The following NTNG2 variants were observed in gnomAD, a reference collection of about 807,000 sequenced individuals.
NTNG2 encodes the protein netrin G2.
NTNG2 carries 15 observed loss-of-function variants against 47.6 expected under a neutral mutation model. That is an observed-to-expected ratio of 0.32 (90% CI 0.21 to 0.49). The LOEUF is 0.49. NTNG2 is among the 20% of genes least tolerant of loss of function. NTNG2 has a pLI of 0.99. For missense variants in NTNG2, 578 were observed against 764.6 expected (o/e 0.76, Z 2.88); for synonymous variants, 307 against 324.6 (o/e 0.95, Z 0.58).
At chr9:132,198,881 T>C (rs1178472654) in intron 3 of NTNG2, among the ~76,000 whole-genome samples, 1 of 152,088 alleles carries the variant, frequency 6.6e-6, no homozygotes, top group African/African-American at 2.4e-5. Context: ...ACCTGGTACC[T>C]GGGACATGAC....
At chr9:132,204,525 T>A (rs549878423) in intron 3 of NTNG2, among the ~76,000 whole-genome samples, 4 of 152,152 alleles carry the variant, frequency 2.6e-5, no homozygotes, top group Admixed American at 1.3e-4. Flanking sequence ...CCTCCCTGCA[T>A]CTCTTTCTCA....
chr9:132,174,187 A>C (rs1836210166), intron 2 of NTNG2, among the ~76,000 whole-genome samples: 1 of 132,906 alleles, frequency 7.5e-6, no homozygotes, highest in Admixed American at 7.6e-5. Context: ...GGCAGGTCGA[A>C]CCATGCTGCA....
chr9:132,200,898 CCT>C lies in NTNG2; in HGVS notation c.857+2292_857+2293del, dbSNP rs1838697562. On this transcript the variant is annotated intron_variant, in intron 3 of 7. Transcript: ENST00000393229. ...TTTCAGCCCCTGGGCATCTCCGTGA[CCT>C]CTGCCCTCGGGATGCAATTGTCTGG... Among the ~76,000 whole-genome samples the C allele has an allele frequency of 2.6e-5, 4 of 152,372 alleles. No individual in the cohort carries two copies. The South Asian group carries it at 8.3e-4, about 32-fold the overall frequency.
chr9:132,227,258 C>T (rs1462588857), intron 4 of NTNG2, among the ~76,000 whole-genome samples: 1 of 152,232 alleles, frequency 6.6e-6, no homozygotes, highest in African/African-American at 2.4e-5. Flanking sequence ...TGCACCCCCA[C>T]ACACACACCT....
rs538313445 is a variant in NTNG2 at position 132,168,016 on chromosome 9, G to T, written c.213+972G>T. 5.9e-5 allele frequency among the ~76,000 whole-genome samples: 9 copies of T among 152,344 alleles called. No homozygotes were observed. The South Asian group carries it at 1.2e-3, about 21-fold the overall frequency. ...GTGAGGAGTTTGTGGTTTAATTAAC[G>T]TAGGTAAAGTGTTCGGAATAGGACC... On this transcript the variant is annotated intron_variant, in intron 2 of 7. Transcript: ENST00000393229.
At chr9:132,194,839 G>C (rs1838162777) in intron 2 of NTNG2, among the ~76,000 whole-genome samples, 1 of 152,248 alleles carries the variant, frequency 6.6e-6, no homozygotes, top group Non-Finnish European at 1.5e-5. Flanking sequence ...CTTCACCCTA[G>C]AGGATAGAAG....
chr9:132,238,972 C>T (rs757518337), intron 5 of NTNG2, 132 bp from the exon 6 acceptor site: 2 of 916,540 alleles, frequency 2.2e-6, no homozygotes, highest in African/African-American at 3.3e-5. Flanking sequence ...GCCTAGGGCA[C>T]CTTCCGGTAC....
chr9:132,162,555 T>TGTGTGTGTGTGTGTGTGTGTGAGA lies in NTNG2; in HGVS notation c.-484+317_-484+318insTGTGTGTGTGTGTGTGTGTGAGAG, dbSNP rs112179857. Among the ~76,000 whole-genome samples the TGTGTGTGTGTGTGTGTGTGTGAGA allele has an allele frequency of 7.2e-6, 1 of 139,374 alleles. No individual in the cohort carries two copies. The highest frequency in any genetic ancestry group is 1.6e-5 in the Non-Finnish European group (1 of 64,100). 91.4% of individuals were successfully genotyped at this position (139,374 alleles called of 152,430 possible). A position where few individuals can be genotyped will look rare whatever the true frequency, so the allele number is the denominator to read the frequency against. ...GTGAGAGTGTGTGTGTGTGTGTGTG[T>TGTGTGTGTGTGTGTGTGTGTGAGA]GAGAGAGAGACAGAGTGTGTGTGTG... On this transcript the variant is annotated intron_variant, in intron 1 of 7. Transcript: ENST00000393229. The surrounding 1 kb of genome is among the most constrained non-coding windows in gnomAD (Gnocchi z 4.6).
rs569233600 is a variant in NTNG2 at position 132,210,767 on chromosome 9, TG to T, written c.857+12161del. ...TCATCCTCAGGCCTTGTTCTGCCCCTGGGCTGGGCTGCCTCCCTCCACATCT... is the reference window on the plus strand; with the variant it reads ...TCATCCTCAGGCCTTGTTCTGCCCCTGGCTGGGCTGCCTCCCTCCACATCT... On this transcript the variant is annotated intron_variant, in intron 3 of 7. Coordinates refer to ENST00000393229, the MANE Select transcript of NTNG2 (RefSeq NM_032536.4). Among the ~76,000 whole-genome samples the T allele has an allele frequency of 7.9e-5, 12 of 152,330 alleles. No homozygotes were observed. In the East Asian group the frequency reaches 2.1e-3, roughly 27 times the overall value.
chr9:132,186,757 G>A (rs182053580), intron 2 of NTNG2, among the ~76,000 whole-genome samples: 2 of 152,228 alleles, frequency 1.3e-5, no homozygotes, highest in African/African-American at 4.8e-5. Context: ...GCCCGCGGAT[G>A]CCCACCGCCT....
intron 3 of NTNG2, among the ~76,000 whole-genome samples, chr9:132,225,753 A>C (rs781419937): frequency 6.6e-6 from 1 of 152,184 alleles, no homozygotes; most frequent in Non-Finnish European, 1.5e-5. Flanking sequence ...GAGGAGCTTC[A>C]CTTCTGCCAT....
chr9:132,169,100 A>T (rs1241972734), intron 2 of NTNG2, among the ~76,000 whole-genome samples: 2 of 152,160 alleles, frequency 1.3e-5, no homozygotes, highest in East Asian at 3.9e-4. Flanking sequence ...GGTCTAGAAG[A>T]GTGCTCTCTC....
chr9:132,240,633 G>C (rs1182724687), intron 6 of NTNG2: 1 of 549,678 alleles, frequency 1.8e-6, no homozygotes, highest in African/African-American at 1.9e-5. Flanking sequence ...GCCCAGAGAG[G>C]GGAAGGGGCT....
intron 3 of NTNG2, among the ~76,000 whole-genome samples, chr9:132,225,896 G>A (rs373128080): frequency 2.6e-4 from 40 of 152,302 alleles, no homozygotes; most frequent in Admixed American, 1.1e-3. Context: ...CAGATCTTGC[G>A]GATGGCATCC....
Position 132,166,577 on chromosome 9 carries a change from G to A in NTNG2, c.-255G>A, listed in dbSNP as rs921178376. 9 of 529,274 alleles carry A rather than the reference G, an allele frequency of 1.7e-5. No homozygotes were observed. The highest frequency in any genetic ancestry group is 2.7e-5 in the Non-Finnish European group (8 of 291,370). The allele number at this position is 529,274 out of a possible 1,614,324, so 32.8% of individuals were successfully genotyped here. Reference sequence around the variant, plus strand: ...GGTGTGATACCAGGGTTAGGAGGACGTGAAGTTATGGGCAACTTTCTGATC... The same window carrying A: ...GGTGTGATACCAGGGTTAGGAGGACATGAAGTTATGGGCAACTTTCTGATC... On this transcript the variant is annotated 5_prime_UTR_variant, in exon 2 of 8. It adds an upstream start codon to the 5' untranslated region. Transcript: ENST00000393229.
At chr9:132,176,677 G>A (rs1836485913) in intron 2 of NTNG2, among the ~76,000 whole-genome samples, 1 of 152,192 alleles carries the variant, frequency 6.6e-6, no homozygotes, top group South Asian at 2.1e-4. Flanking sequence ...TTGCATGTGT[G>A]TATGTCTTCA....
At chr9:132,198,669 G>C (rs1838508790) in intron 3 of NTNG2, 60 bp downstream of exon 3, 4 of 1,520,206 alleles carry the variant, frequency 2.6e-6, no homozygotes, top group Non-Finnish European at 2.7e-6. Flanking sequence ...TGTTACCTGG[G>C]ACGTTATTGG....
intron 3 of NTNG2, among the ~76,000 whole-genome samples, chr9:132,211,653 C>G (rs79951807): frequency 0.053 from 8,073 of 152,280 alleles, 341 homozygotes; most frequent in Non-Finnish European, 0.08. Context: ...CTCCTCACCC[C>G]TCAGGACTTG....
intron 2 of NTNG2, among the ~76,000 whole-genome samples, chr9:132,192,812 GC>G (rs1837998045): frequency 1.3e-5 from 2 of 152,190 alleles, no homozygotes; most frequent in Non-Finnish European, 2.9e-5. Flanking sequence ...AATTGTGTTG[GC>G]CGCGGCTCGG....
Sources: gnomAD v4.1 joint callset for allele counts (sites outside exome capture counted in the v4.1 genomes callset) on GRCh38, gnomAD v4.1.1 for gene constraint, Gnocchi (gnomAD v3.1) non-coding constraint, MANE v1.5 for transcripts, NCBI Gene and HGNC (gene_info 2026-07-23, HGNC 2026-07-21) for gene names.